Variants in MRPL16 observed in about 807,000 individuals in gnomAD.
The protein encoded by MRPL16 is large ribosomal subunit protein uL16m.
A neutral mutation model predicts 22.7 loss-of-function variants in MRPL16; 17 were observed. The ratio of observed to expected loss-of-function variants is 0.75; its 90% CI spans 0.51 to 1.12. MRPL16 has a LOEUF of 1.12. MRPL16 is among the 50% of genes most tolerant of loss of function. The pLI, the probability that MRPL16 is intolerant of heterozygous loss-of-function variation, is 0.00. For missense variants in MRPL16, 316 were observed against 328.7 expected (o/e 0.96, Z 0.30); for synonymous variants, 103 against 112.8 (o/e 0.91, Z 0.55).
intron 1 of MRPL16, chr11:59,810,258 C>A (rs1866159293): frequency 1.7e-6 from 2 of 1,202,930 alleles, no homozygotes; most frequent in African/African-American, 3.2e-5. Context: ...ATTCGCCCGC[C>A]TCGGCCTCCC....
rs1011254109 is a variant in MRPL16 at position 59,806,483 on chromosome 11, C to G, written c.620G>C (p.Arg207Pro). The G allele has an allele frequency of 9.3e-6, 15 of 1,614,232 alleles. No individual in the cohort carries two copies. The highest frequency in any genetic ancestry group is 1.1e-5 in the Non-Finnish European group (13 of 1,180,042). The change falls in exon 4 of 4, where the codon CGT becomes CCT. Residue 207 changes from arginine (R) to proline (P), a missense_variant. By Grantham distance (103) the Arg-to-Pro change is moderately radical. Transcript: ENST00000300151. Reference sequence around the variant, plus strand: ...AAATGTCCAGGGGTTCTGGTTGTTACGTTCTCTTTCCTCTTGATCTTTTCG... The same window carrying G: ...AAATGTCCAGGGGTTCTGGTTGTTAGGTTCTCTTTCCTCTTGATCTTTTCG... ...KMRKDQEERE[R>P]NNQNPWTFER...
rs1042757508 is a variant in MRPL16 at position 59,810,622 on chromosome 11, G to C, written c.37C>G (p.Leu13Val). The C allele has an allele frequency of 5.6e-6, 9 of 1,614,076 alleles. No individual in the cohort carries two copies. The highest frequency in any genetic ancestry group is 5.1e-6 in the Non-Finnish European group (6 of 1,180,010). ...RLLARASAPLLRVPLSDSWAL... is the reference protein window; with the variant it reads ...RLLARASAPLVRVPLSDSWAL... Reference sequence around the variant, plus strand: ...TTCTGACCTGACAAGGGCACCCGCAGGAGCGGCGCACTAGCGCGAGCCAGC... The same window carrying C: ...TTCTGACCTGACAAGGGCACCCGCACGAGCGGCGCACTAGCGCGAGCCAGC... Residue 13 changes from leucine to valine, a missense_variant, in exon 1 of 4, where the codon CTG (leucine) becomes GTG (valine). Coordinates refer to ENST00000300151, the MANE Select transcript of MRPL16 (RefSeq NM_017840.4).
At chr11:59,807,587 G>A (rs1004030231) in intron 3 of MRPL16, 114 bp downstream of exon 3, 5 of 1,201,776 alleles carry the variant, frequency 4.2e-6, no homozygotes, top group Non-Finnish European at 5.8e-6. Context: ...AAGAGCAACT[G>A]GTGGCAGTTC....
chr11:59,809,648 G>C (rs1866152932), intron 2 of MRPL16: 2 of 565,224 alleles, frequency 3.5e-6, no homozygotes, highest in East Asian at 6.6e-5. Flanking sequence ...TGCTCCGTAA[G>C]AGCAAGGAAC....
Position 59,806,177 on chromosome 11 carries a change from C to G in MRPL16, c.*170G>C. ...GTTTAAATTTTATTTAATAAAAATACAGTTTTCTTTTTAAATCAACAAATA... is the reference window on the plus strand; with the variant it reads ...GTTTAAATTTTATTTAATAAAAATAGAGTTTTCTTTTTAAATCAACAAATA... On this transcript the variant is annotated 3_prime_UTR_variant, in exon 4 of 4. Transcript: ENST00000300151. 1.5e-6 allele frequency: 1 copy of G among 680,054 alleles called. No homozygotes were observed. The highest frequency in any genetic ancestry group is 2.4e-6 in the Non-Finnish European group (1 of 419,634). 42.1% of individuals were successfully genotyped at this position (680,054 alleles called of 1,614,324 possible). A position where few individuals can be genotyped will look rare whatever the true frequency, so the allele number is the denominator to read the frequency against.
rs745946347 is a variant in MRPL16 at position 59,807,767 on chromosome 11, A to G, written c.204T>C (p.Asn68=). The part of the protein sequence containing the change: ...LVPKVRREPK[N]LSDIRGPSTE... ...TGGAAGGTCCCCGTATGTCACTTAA[A>G]TTTTTAGGTTCTCTTCTTACTTTTG... Residue 68 remains asparagine, a synonymous_variant, in exon 3 of 4, where the codon AAT becomes AAC. Coordinates refer to ENST00000300151, the MANE Select transcript of MRPL16 (RefSeq NM_017840.4). 3.7e-6 allele frequency: 6 copies of G among 1,613,760 alleles called. No individual in the cohort carries two copies. Among genetic ancestry groups the G allele is most frequent in the Non-Finnish European group, 5.1e-6 (6 of 1,179,880 alleles).
chr11:59,806,652 C>A lies in MRPL16; in HGVS notation c.451G>T (p.Val151Leu). ...GGGKGAIDHY[V>L]TPVKAGRLVV... ...AGGCGGCCAGCCTTCACAGGTGTCA[C>A]GTAGTGGTCAATAGCACCTTTGCCT... Residue 151 changes from valine (V) to leucine (L), a missense_variant, in exon 4 of 4, where the codon GTG becomes TTG. Coordinates refer to ENST00000300151, the MANE Select transcript of MRPL16 (RefSeq NM_017840.4). 6.2e-7 allele frequency: 1 copy of A among 1,614,234 alleles called. No individual in the cohort carries two copies. Among genetic ancestry groups the A allele is most frequent in the Non-Finnish European group, 8.5e-7 (1 of 1,180,044 alleles).
At chr11:59,810,410 C>A (rs1643125542) in intron 1 of MRPL16, 194 bp downstream of exon 1, 4 of 1,405,354 alleles carry the variant, frequency 2.8e-6, no homozygotes, top group Non-Finnish European at 1.8e-6. Flanking sequence ...GATCTCTGGG[C>A]GCCGACTCCC....
chr11:59,810,410 C>T, intron 1 of MRPL16, 194 bp downstream of exon 1: 3 of 1,405,354 alleles, frequency 2.1e-6, no homozygotes, highest in Non-Finnish European at 2.8e-6. Context: ...GATCTCTGGG[C>T]GCCGACTCCC....
chr11:59,808,172 T>C (rs1280880253), intron 2 of MRPL16, among the ~76,000 whole-genome samples: 1 of 152,240 alleles, frequency 6.6e-6, no homozygotes, highest in Non-Finnish European at 1.5e-5. Context: ...ATCTTCTGGC[T>C]GTGACAGTGG....
chr11:59,806,953 T>G (rs1337887751), intron 3 of MRPL16, 121 bp from the exon 4 acceptor site: 2 of 1,373,684 alleles, frequency 1.5e-6, no homozygotes, highest in African/African-American at 1.5e-5. Flanking sequence ...AAATCTAAGT[T>G]CTAATAAGTC....
In MRPL16 at chr11:59,807,155, G is replaced by T; in HGVS notation, c.271-323C>A. The stretch of plus-strand genomic sequence containing the variant: ...TGTGGAGGCCCTGGCACAGCAGAGG[G>T]CTTGGCAAGTTGAACAGAAGCCAAT... On this transcript the variant is annotated intron_variant, in intron 3 of 3. Transcript: ENST00000300151. The T allele has an allele frequency of 1.4e-5, 4 of 276,196 alleles. No homozygotes were observed. In the South Asian group the frequency reaches 2.6e-4, roughly 18 times the overall value. 17.1% of individuals were successfully genotyped at this position (276,196 alleles called of 1,614,324 possible).
Position 59,810,572 on chromosome 11 carries a change from A to G in MRPL16, c.55+32T>C, listed in dbSNP as rs371731208. 5.9e-5 allele frequency: 96 copies of G among 1,613,714 alleles called. 1 individual carries two copies. The African/African-American group carries it at 1.0e-3, about 17-fold the overall frequency. On this transcript the variant is annotated intron_variant, in intron 1 of 3. Coordinates refer to ENST00000300151, the MANE Select transcript of MRPL16 (RefSeq NM_017840.4). Reference sequence around the variant, plus strand: ...TGGAGGGTGGGGGAGGAAGAGGGGTAAAGTCTTTAGGAACCAAAAGGGACT... The same window carrying G: ...TGGAGGGTGGGGGAGGAAGAGGGGTGAAGTCTTTAGGAACCAAAAGGGACT...
rs1458532742 is a variant in MRPL16, at chr11:59,806,721, AAG to A, written c.380_381del (p.Pro127LeufsTer21). ...ACACTTTTGCGAGTGATGGGCTTGA[AAG>A]GGGCTGGTACTCGCCATATGGCAAA... ...NMFAIWRVPA[P>X]FKPITRKSVG... On this transcript the variant is annotated frameshift_variant, in exon 4 of 4. Transcript: ENST00000300151. LOFTEE classifies it high-confidence loss of function. 2 of 1,614,160 alleles carry A rather than the reference AAG, an allele frequency of 1.2e-6. No homozygotes were observed. Among genetic ancestry groups the A allele is most frequent in the Non-Finnish European group, 1.7e-6 (2 of 1,180,026 alleles).
At chr11:59,810,123 A>C (rs1292134530) in intron 1 of MRPL16, 1 of 630,212 alleles carries the variant, frequency 1.6e-6, no homozygotes. Flanking sequence ...CTCCTGCCTC[A>C]GCCTCCGGAC....
chr11:59,810,330 G>C, intron 1 of MRPL16: 1 of 1,341,264 alleles, frequency 7.5e-7, no homozygotes, highest in Non-Finnish European at 9.5e-7. Context: ...CGCCGGAGGA[G>C]TCTTGAGGTG....
Position 59,810,668 on chromosome 11 carries a change from C to A in MRPL16, c.-10G>T, listed in dbSNP as rs763405372. 8 of 1,613,606 alleles carry A rather than the reference C, an allele frequency of 5.0e-6. No individual in the cohort carries two copies. Among genetic ancestry groups the A allele is most frequent in the Non-Finnish European group, 6.8e-6 (8 of 1,179,822 alleles). On this transcript the variant is annotated 5_prime_UTR_variant, in exon 1 of 4. Coordinates refer to ENST00000300151, the MANE Select transcript of MRPL16 (RefSeq NM_017840.4). ...CCAGCAGCCTCCACATGGTCACGGG[C>A]GTCCGGCGGCGCGGAGCTCCCCCAG...
Position 59,806,879 on chromosome 11 carries a change from A to C in MRPL16, c.271-47T>G, listed in dbSNP as rs759574133. The C allele has an allele frequency of 2.6e-6, 4 of 1,563,040 alleles. No individual in the cohort carries two copies. The African/African-American group carries it at 4.1e-5, about 16-fold the overall frequency. On this transcript the variant is annotated intron_variant, in intron 3 of 3. Transcript: ENST00000300151. ...AGAAACACATGCGGACTTCGACATC[A>C]TCTATGGGCTCATTATTTTGTCTCT... is the stretch of plus-strand genomic sequence containing the variant.
intron 2 of MRPL16, chr11:59,809,490 C>G (rs1052964450): frequency 4.2e-5 from 9 of 215,690 alleles, no homozygotes; most frequent in Non-Finnish European, 7.4e-5. Flanking sequence ...AGTGATCCAC[C>G]CGCCTCCGCC....
Sources: allele counts gnomAD v4.1 joint callset (sites outside exome capture counted in the v4.1 genomes callset), GRCh38; gene constraint gnomAD v4.1.1; transcripts MANE v1.5; gene names NCBI Gene and HGNC (gene_info 2026-07-23, HGNC 2026-07-21).